LANCL2: variants seen among roughly 807,000 people sequenced by gnomAD.
LANCL2 encodes the protein LanC like glutathione S-transferase 2, also known as lanC-like protein 2.
In LANCL2, 33 loss-of-function variants were observed where a neutral mutation model predicts 56.9. The observed-to-expected ratio is 0.58, with a 90% CI of 0.44 to 0.78. LANCL2 has a LOEUF of 0.78. LANCL2 is among the 30% of genes least tolerant of loss of function. The probability of loss-of-function intolerance (pLI) is 0.00; values close to 1 mark genes in which losing one functional copy is unlikely to be tolerated. For missense variants in LANCL2, 562 were observed against 580.2 expected (o/e 0.97, Z 0.32); for synonymous variants, 233 against 228.2 (o/e 1.02, Z -0.19).
At chr7:55,415,532 T>C (rs1182658882) in intron 6 of LANCL2, among the ~76,000 whole-genome samples, 1 of 152,144 alleles carries the variant, frequency 6.6e-6, no homozygotes, top group East Asian at 1.9e-4. Flanking sequence ...AAGCTATACT[T>C]TTTTTCCTCC....
In LANCL2 at chr7:55,395,633, T is replaced by C. The variant is rs188380266; in HGVS notation, c.323-2790T>C. Among the ~76,000 whole-genome samples, 357 of 152,230 alleles carry C rather than the reference T, an allele frequency of 2.3e-3. 2 individuals are homozygous for C. The highest frequency in any genetic ancestry group is 3.7e-3 in the Non-Finnish European group (250 of 68,008). On this transcript the variant is annotated intron_variant, in intron 2 of 8. Coordinates refer to ENST00000254770, the MANE Select transcript of LANCL2 (RefSeq NM_018697.4). ...GAAAAAAATCAAAGAGAAAGAAAGA[T>C]AAAGAGAGACTTCAGTTTTCCAGTC... is the stretch of plus-strand genomic sequence containing the variant.
At chr7:55,389,964 C>A (rs1310370586) in intron 1 of LANCL2, among the ~76,000 whole-genome samples, 2 of 152,158 alleles carry the variant, frequency 1.3e-5, no homozygotes, top group Non-Finnish European at 2.9e-5. Context: ...GAAATGTAAA[C>A]ATGCACATCC....
At chr7:55,397,104 G>A in intron 2 of LANCL2, 1 of 152,162 alleles carries the variant, frequency 6.6e-6, no homozygotes, top group Non-Finnish European at 1.5e-5. Flanking sequence ...ATTTGAAAGA[G>A]AAGTTATATA....
At chr7:55,402,152 C>T (rs1281593803) in intron 5 of LANCL2, among the ~76,000 whole-genome samples, 10 of 139,900 alleles carry the variant, frequency 7.1e-5, no homozygotes, top group Non-Finnish European at 9.5e-5. Context: ...CCGGACGGGG[C>T]GGCTGGCCGG....
chr7:55,430,250 C>G (rs1332173602), intron 8 of LANCL2, among the ~76,000 whole-genome samples: 1 of 152,194 alleles, frequency 6.6e-6, no homozygotes, highest in African/African-American at 2.4e-5. Flanking sequence ...AGATGACCGT[C>G]AGTAGGAAAA....
chr7:55,407,230 G>T (rs1790418262), intron 5 of LANCL2, among the ~76,000 whole-genome samples: 3 of 152,194 alleles, frequency 2.0e-5, no homozygotes, highest in African/African-American at 4.8e-5. Flanking sequence ...GAGAGTTGGA[G>T]TGAAGCACAG....
At chr7:55,419,493 C>T (rs1439380018) in intron 6 of LANCL2, among the ~76,000 whole-genome samples, 1 of 151,352 alleles carries the variant, frequency 6.6e-6, no homozygotes, top group Admixed American at 6.6e-5. Context: ...CCTCCGCCTC[C>T]CGGGTTCAGG....
Position 55,428,374 on chromosome 7 carries a change from G to A in LANCL2, c.1186-1G>A, listed in dbSNP as rs1790691017. 1 of 1,613,646 alleles carries A rather than the reference G, an allele frequency of 6.2e-7. No homozygotes were observed. The highest frequency in any genetic ancestry group is 8.5e-7 in the Non-Finnish European group (1 of 1,179,656). On this transcript the variant is annotated splice_acceptor_variant, in intron 7 of 8. Transcript: ENST00000254770. LOFTEE classifies it high-confidence loss of function. The stretch of plus-strand genomic sequence containing the variant: ...TTAAAAAGAAATCCCTTTCTTTTCA[G>A]TTTGCAGAGTGGTGTCTAGATTACG...
At chr7:55,424,972 C>G (rs942812784) in intron 6 of LANCL2, among the ~76,000 whole-genome samples, 1 of 152,150 alleles carries the variant, frequency 6.6e-6, no homozygotes, top group Non-Finnish European at 1.5e-5. Context: ...AGTTTCATCC[C>G]GAAACCATCC....
At chr7:55,404,710 T>A (rs983664020) in intron 5 of LANCL2, among the ~76,000 whole-genome samples, 5 of 151,888 alleles carry the variant, frequency 3.3e-5, no homozygotes. Context: ...GCCTCCTGGG[T>A]TCAAGCCATT....
At chr7:55,406,330 C>G (rs148322584) in intron 5 of LANCL2, among the ~76,000 whole-genome samples, 6 of 152,294 alleles carry the variant, frequency 3.9e-5, no homozygotes, top group Admixed American at 6.5e-5. Flanking sequence ...CCAGAGCGTC[C>G]CTGGTGCCTT....
At chr7:55,375,988 TAGG>T (rs1283229097) in intron 1 of LANCL2, among the ~76,000 whole-genome samples, 1 of 152,328 alleles carries the variant, frequency 6.6e-6, no homozygotes, top group South Asian at 2.1e-4. Flanking sequence ...CTGACTTAAA[TAGG>T]AGAAGTTTCT....
At chr7:55,398,823 G>A (rs898094633) in intron 3 of LANCL2, among the ~76,000 whole-genome samples, 193 bp downstream of exon 3, 4 of 152,104 alleles carry the variant, frequency 2.6e-5, no homozygotes, top group Non-Finnish European at 5.9e-5. Flanking sequence ...CCTTAATTTT[G>A]GGAAGAATAA....
intron 8 of LANCL2, among the ~76,000 whole-genome samples, chr7:55,429,392 A>T (rs972552223): frequency 2.0e-5 from 3 of 152,188 alleles, no homozygotes; most frequent in African/African-American, 7.2e-5. Context: ...ATATTGGGTG[A>T]GCTGTCATAG....
In LANCL2 at chr7:55,407,643, G is replaced by T. The variant is rs1790424646; in HGVS notation, c.826-4264G>T. Among the ~76,000 whole-genome samples, 4 of 152,310 alleles carry T rather than the reference G, an allele frequency of 2.6e-5. No individual in the cohort carries two copies. The South Asian group carries it at 8.3e-4, about 32-fold the overall frequency. On this transcript the variant is annotated intron_variant, in intron 5 of 8. Coordinates refer to ENST00000254770, the MANE Select transcript of LANCL2 (RefSeq NM_018697.4). ...AGTGGGCCTTGTCAATCAGTTGAAG[G>T]TCTGACTAGAACAAAATGCTGGACC...
At chr7:55,395,488 C>A (rs141377175) in intron 2 of LANCL2, among the ~76,000 whole-genome samples, 2 of 151,646 alleles carry the variant, frequency 1.3e-5, no homozygotes, top group African/African-American at 4.8e-5. Context: ...GAAACCAAAG[C>A]GCAAGGAGCC....
In LANCL2 at chr7:55,366,683, C is replaced by T. The variant is rs563805589; in HGVS notation, c.204+454C>T. On this transcript the variant is annotated intron_variant, in intron 1 of 8. Transcript: ENST00000254770. Reference sequence around the variant, plus strand: ...GCATTGTCCGTACTGTCTGTGTGCCCAGAAATGGGAAGCGGGTGTAAGGGG... The same window carrying T: ...GCATTGTCCGTACTGTCTGTGTGCCTAGAAATGGGAAGCGGGTGTAAGGGG... Among the ~76,000 whole-genome samples, 4 of 152,332 alleles carry T rather than the reference C, an allele frequency of 2.6e-5. No homozygotes were observed. The South Asian group carries it at 8.3e-4, about 32-fold the overall frequency.
chr7:55,415,621 C>CTTTCTTTTTTTTTTTTTTTT (rs149792554), intron 6 of LANCL2, among the ~76,000 whole-genome samples: 1 of 111,770 alleles, frequency 8.9e-6, no homozygotes, highest in African/African-American at 3.2e-5. Context: ...GTTTTTCTTT[C>CTTTCTTTTTTTTTTTTTTTT]TTTTTTTTGA....
intron 1 of LANCL2, among the ~76,000 whole-genome samples, chr7:55,373,275 A>ATATATATT (rs376176926): frequency 3.4e-5 from 5 of 148,046 alleles, no homozygotes; most frequent in African/African-American, 1.2e-4. Flanking sequence ...AATTTTTTAA[A>ATATATATT]TATTTATTTA....
Sources: gnomAD v4.1 joint callset for allele counts (sites outside exome capture counted in the v4.1 genomes callset) on GRCh38, gnomAD v4.1.1 for gene constraint, MANE v1.5 for transcripts, NCBI Gene and HGNC (gene_info 2026-07-23, HGNC 2026-07-21) for gene names.